The following KCNN2 variants were observed in gnomAD, a reference collection of about 807,000 sequenced individuals.
KCNN2 encodes the protein small conductance calcium-activated potassium channel protein 2.
A neutral mutation model predicts 55.5 loss-of-function variants in KCNN2; 24 were observed. The ratio of observed to expected loss-of-function variants is 0.43; its 90% CI spans 0.31 to 0.61. The LOEUF is 0.61. Among genes scored for constraint, KCNN2 ranks in the 20% least tolerant of loss-of-function variants. KCNN2 has a pLI of 0.08. For synonymous variants in KCNN2, 431 were observed against 336.1 expected (o/e 1.28, Z -3.09); for missense variants, 754 against 853.6 (o/e 0.88, Z 1.45).
chr5:114,134,435 C>G (rs1019207106), intron 1 of KCNN2, among the ~76,000 whole-genome samples: 3 of 150,646 alleles, frequency 2.0e-5, no homozygotes, highest in African/African-American at 7.4e-5. Flanking sequence ...TTTTGCAATA[C>G]TTTAACTTTG....
chr5:114,157,317 C>T (rs1249523355), intron 1 of KCNN2, among the ~76,000 whole-genome samples: 3 of 152,062 alleles, frequency 2.0e-5, no homozygotes. Flanking sequence ...CATCCATGTC[C>T]CTACAAAGGA....
At chr5:114,212,012 G>A (rs1753896946) in intron 1 of KCNN2, among the ~76,000 whole-genome samples, 1 of 150,998 alleles carries the variant, frequency 6.6e-6, no homozygotes, top group Admixed American at 6.6e-5. Context: ...TATTATATGA[G>A]CATGTACTTA....
intron 2 of KCNN2, among the ~76,000 whole-genome samples, chr5:114,246,894 A>T (rs1158068240): frequency 6.6e-6 from 1 of 152,016 alleles, no homozygotes; most frequent in African/African-American, 2.4e-5. Context: ...GAATTATTCG[A>T]ATGTTTTTAA....
intron 2 of KCNN2, among the ~76,000 whole-genome samples, chr5:114,269,529 A>C (rs138900354): frequency 6.7e-6 from 1 of 148,290 alleles, no homozygotes; most frequent in Non-Finnish European, 1.5e-5. Context: ...TTGGGGGAAT[A>C]TCATAGACCG....
chr5:114,232,202 G>T (rs1358197907), intron 2 of KCNN2, among the ~76,000 whole-genome samples: 1 of 150,790 alleles, frequency 6.6e-6, no homozygotes. Context: ...TCAGGCAAGA[G>T]GCGTCATTGA....
At chr5:114,455,453 C>T (rs1760874325) in intron 3 of KCNN2, among the ~76,000 whole-genome samples, 1 of 152,170 alleles carries the variant, frequency 6.6e-6, no homozygotes, top group Non-Finnish European at 1.5e-5. Context: ...ACTAGCTGTT[C>T]CCCCATCTCT....
At chr5:114,394,737 C>T (rs1758566252) in intron 2 of KCNN2, among the ~76,000 whole-genome samples, 1 of 152,152 alleles carries the variant, frequency 6.6e-6, no homozygotes, top group Admixed American at 6.5e-5. Context: ...TTTCCATAAG[C>T]TGTATTTTCC....
At chr5:114,456,714 G>T (rs1195359283) in intron 3 of KCNN2, among the ~76,000 whole-genome samples, 2 of 152,214 alleles carry the variant, frequency 1.3e-5, no homozygotes, top group South Asian at 2.1e-4. Flanking sequence ...ATTAACAGGA[G>T]TTTGGAAGAA....
chr5:114,400,400 A>T (rs1072922), intron 2 of KCNN2, among the ~76,000 whole-genome samples: 33,797 of 152,160 alleles, frequency 0.22, 4,238 homozygotes, highest in Non-Finnish European at 0.28. Flanking sequence ...AATCAAATGC[A>T]GTAGAGCTTC....
At chr5:114,491,507 T>G (rs891982395) in intron 6 of KCNN2, among the ~76,000 whole-genome samples, 1 of 105,986 alleles carries the variant, frequency 9.4e-6, no homozygotes, top group African/African-American at 3.4e-5. Flanking sequence ...ATTCTGCTTT[T>G]TCTTTTTTTT....
At chr5:114,454,554 C>CTATACATAATATAT (rs1259099974) in intron 3 of KCNN2, among the ~76,000 whole-genome samples, 4 of 152,114 alleles carry the variant, frequency 2.6e-5, no homozygotes, top group African/African-American at 9.7e-5. Context: ...TCTGTATTAT[C>CTATACATAATATAT]AAATTCTAAT....
At chr5:114,209,083 G>T (rs1414113039) in intron 1 of KCNN2, among the ~76,000 whole-genome samples, 1 of 151,008 alleles carries the variant, frequency 6.6e-6, no homozygotes, top group Non-Finnish European at 1.5e-5. Context: ...TTGAGACAGG[G>T]TCTCGCTCTG....
At chr5:114,100,936 A>G (rs1292152286) in intron 1 of KCNN2, among the ~76,000 whole-genome samples, 2 of 151,058 alleles carry the variant, frequency 1.3e-5, no homozygotes, top group African/African-American at 4.9e-5. Flanking sequence ...ATATATAATT[A>G]TTAATATATC....
At chr5:114,273,908 C>A (rs577203510) in intron 2 of KCNN2, among the ~76,000 whole-genome samples, 107 of 152,290 alleles carry the variant, frequency 7.0e-4, no homozygotes, top group Non-Finnish European at 1.1e-3. Context: ...GTGTTTTAGA[C>A]ATGAAGTCTT....
At chr5:114,221,143 T>G (rs1472002273) in intron 1 of KCNN2, among the ~76,000 whole-genome samples, 1 of 152,208 alleles carries the variant, frequency 6.6e-6, no homozygotes, top group Admixed American at 6.5e-5. Flanking sequence ...ATTTCATGAC[T>G]TGAGTGAGTG....
intron 3 of KCNN2, among the ~76,000 whole-genome samples, chr5:114,421,692 CTCTGCTTCCCAGGT>C (rs1291289562): frequency 6.6e-6 from 1 of 151,764 alleles, no homozygotes. Context: ...TCACTGCAAC[CTCTGCTTCCCAGGT>C]TCAAGTGATT....
intron 2 of KCNN2, among the ~76,000 whole-genome samples, chr5:114,283,127 A>G (rs1282949024): frequency 6.6e-6 from 1 of 152,124 alleles, no homozygotes; most frequent in Non-Finnish European, 1.5e-5. Context: ...GTTCTCTTAA[A>G]CATTGCTTCT....
At chr5:114,363,345 G>C (rs1757503671) in intron 1 of KCNN2, 84 bp downstream of exon 1, 1 of 1,428,518 alleles carries the variant, frequency 7.0e-7, no homozygotes. Flanking sequence ...CTTTGCGTGC[G>C]GATCCCTAGC....
At chr5:114,172,119 A>G (rs1753045226) in intron 1 of KCNN2, among the ~76,000 whole-genome samples, 1 of 151,878 alleles carries the variant, frequency 6.6e-6, no homozygotes, top group Non-Finnish European at 1.5e-5. Context: ...ATGACCATAT[A>G]TAGTTTCTCC....
Sources: gnomAD v4.1 joint callset for allele counts (sites outside exome capture counted in the v4.1 genomes callset) on GRCh38, gnomAD v4.1.1 for gene constraint, MANE v1.5 for transcripts, NCBI Gene and HGNC (gene_info 2026-07-23, HGNC 2026-07-21) for gene names.